COL26A1: variants seen among roughly 807,000 people sequenced by gnomAD.
COL26A1 encodes the protein collagen type XXVI alpha 1 chain.
COL26A1 carries 41 observed loss-of-function variants against 59.3 expected under a neutral mutation model. The ratio of observed to expected loss-of-function variants is 0.69; its 90% CI spans 0.54 to 0.90. COL26A1 has a LOEUF of 0.90. Among genes scored for constraint, COL26A1 ranks in the 40% least tolerant of loss-of-function variants. COL26A1 has a pLI of 0.00. For synonymous variants in COL26A1, 266 were observed against 256.0 expected (o/e 1.04, Z -0.37); for missense variants, 612 against 602.3 (o/e 1.02, Z -0.17).
At chr7:101,467,849 A>G (rs1042333239) in intron 3 of COL26A1, among the ~76,000 whole-genome samples, 3 of 152,170 alleles carry the variant, frequency 2.0e-5, no homozygotes, top group African/African-American at 7.2e-5. Flanking sequence ...CCTGGGTGAC[A>G]GAGCGAGACT....
At chr7:101,504,990 C>A (rs1052943271) in intron 3 of COL26A1, among the ~76,000 whole-genome samples, 2 of 152,160 alleles carry the variant, frequency 1.3e-5, no homozygotes, top group African/African-American at 4.8e-5. Context: ...CCCATCTCTA[C>A]TAAAAATACA....
chr7:101,368,998 G>C (rs1454228822), intron 1 of COL26A1, among the ~76,000 whole-genome samples: 3 of 145,022 alleles, frequency 2.1e-5, no homozygotes, highest in Non-Finnish European at 4.5e-5. Flanking sequence ...GTATGAGTAT[G>C]TGTGTGTTTG....
chr7:101,447,154 C>T (rs915349689), intron 2 of COL26A1, among the ~76,000 whole-genome samples: 8 of 151,946 alleles, frequency 5.3e-5, no homozygotes, highest in Non-Finnish European at 1.0e-4. Flanking sequence ...ACAGGGTCTG[C>T]GAAATATCTC....
intron 1 of COL26A1, among the ~76,000 whole-genome samples, chr7:101,394,443 G>A (rs907631268): frequency 2.6e-5 from 4 of 152,080 alleles, no homozygotes; most frequent in Non-Finnish European, 4.4e-5. Context: ...GTCTTGCTGT[G>A]TTGCCCAGGC....
intron 1 of COL26A1, among the ~76,000 whole-genome samples, chr7:101,368,982 CAG>C (rs1279550899): frequency 7.6e-6 from 1 of 131,560 alleles, no homozygotes; most frequent in African/African-American, 3.1e-5. Context: ...GTGAGCGTAA[CAG>C]TGTGTATGAG....
chr7:101,400,779 G>C (rs1388481325), intron 1 of COL26A1, among the ~76,000 whole-genome samples: 3 of 152,084 alleles, frequency 2.0e-5, no homozygotes, highest in Non-Finnish European at 4.4e-5. Context: ...GGCTGGTCTT[G>C]AACTCTTGAC....
chr7:101,429,683 C>G (rs1415360652), intron 2 of COL26A1, among the ~76,000 whole-genome samples: 1 of 136,566 alleles, frequency 7.3e-6, no homozygotes, highest in Non-Finnish European at 1.5e-5. Context: ...GCCTTGACTT[C>G]TTGGGCTCAA....
intron 2 of COL26A1, among the ~76,000 whole-genome samples, chr7:101,435,454 T>G (rs1033125746): frequency 1.3e-5 from 2 of 151,458 alleles, no homozygotes; most frequent in African/African-American, 4.9e-5. Context: ...ATTGCCAGGG[T>G]CGGGGACTCA....
chr7:101,376,566 G>A lies in COL26A1; in HGVS notation c.158+13376G>A, dbSNP rs916829349. Among the ~76,000 whole-genome samples, 14 of 151,974 alleles carry A rather than the reference G, an allele frequency of 9.2e-5. 1 individual carries two copies. The highest frequency in any genetic ancestry group is 1.3e-4 in the Admixed American group (2 of 15,262). On this transcript the variant is annotated intron_variant, in intron 1 of 12. Transcript: ENST00000313669. ...GGTCCTAAGCCTGCTCACTGGGGTC[G>A]TTTCGGACCTTCTCCTGTAGCTGAG...
intron 8 of COL26A1, 82 bp downstream of exon 8, chr7:101,547,321 G>A: frequency 1.0e-6 from 1 of 961,882 alleles, no homozygotes; most frequent in Non-Finnish European, 1.6e-6. Flanking sequence ...GAGGGGAGCT[G>A]GAGGTCGGCT....
chr7:101,543,963 C>G, intron 5 of COL26A1, 35 bp from the exon 6 acceptor site: 1 of 1,476,096 alleles, frequency 6.8e-7, no homozygotes, highest in African/African-American at 1.4e-5. Context: ...TGGGGGTCCA[C>G]CATGTTCTGA....
intron 3 of COL26A1, among the ~76,000 whole-genome samples, chr7:101,489,821 T>C (rs1180430350): frequency 9.6e-4 from 7 of 7,284 alleles, no homozygotes; most frequent in Non-Finnish European, 6.7e-4. Flanking sequence ...TTTCTTTCTT[T>C]CTTTCTTTCT....
At chr7:101,501,931 G>A (rs916092134) in intron 3 of COL26A1, among the ~76,000 whole-genome samples, 4 of 151,882 alleles carry the variant, frequency 2.6e-5, no homozygotes, top group Non-Finnish European at 5.9e-5. Context: ...CATGTACATG[G>A]GCTGCGTGTG....
At chr7:101,541,223 G>T (rs1286636457) in intron 5 of COL26A1, among the ~76,000 whole-genome samples, 1 of 152,212 alleles carries the variant, frequency 6.6e-6, no homozygotes, top group Non-Finnish European at 1.5e-5. Flanking sequence ...ATTCTGCCTG[G>T]CCAGGGAGCA....
intron 12 of COL26A1, 111 bp from the exon 13 acceptor site, chr7:101,557,259 C>G: frequency 2.7e-6 from 3 of 1,120,264 alleles, no homozygotes; most frequent in Non-Finnish European, 2.5e-6. Context: ...TGCTGCCTTG[C>G]TTCTCCACGC....
At chr7:101,463,306 A>G (rs963353236) in intron 3 of COL26A1, among the ~76,000 whole-genome samples, 2 of 152,146 alleles carry the variant, frequency 1.3e-5, no homozygotes, top group South Asian at 2.1e-4. Flanking sequence ...GCTTAGCATT[A>G]TGTCTTCAAG....
At chr7:101,402,935 T>A (rs1027066569) in intron 1 of COL26A1, among the ~76,000 whole-genome samples, 16 of 151,612 alleles carry the variant, frequency 1.1e-4, no homozygotes, top group African/African-American at 3.6e-4. Flanking sequence ...AGCCTTGACC[T>A]CCGGGGCTCA....
chr7:101,435,362 A>C (rs1792890520), intron 2 of COL26A1, among the ~76,000 whole-genome samples: 1 of 152,138 alleles, frequency 6.6e-6, no homozygotes, highest in Non-Finnish European at 1.5e-5. Flanking sequence ...TCGCCCCTGG[A>C]GGAAGCCCCT....
chr7:101,443,814 T>A (rs1369664498), intron 2 of COL26A1, among the ~76,000 whole-genome samples: 1 of 152,014 alleles, frequency 6.6e-6, no homozygotes, highest in Non-Finnish European at 1.5e-5. Context: ...TTTTTTTTTT[T>A]AATTCCTGCA....
Sources: gnomAD v4.1 joint callset for allele counts (sites outside exome capture counted in the v4.1 genomes callset) on GRCh38, gnomAD v4.1.1 for gene constraint, MANE v1.5 for transcripts, NCBI Gene and HGNC (gene_info 2026-07-23, HGNC 2026-07-21) for gene names.